The following WFDC9 variants were observed in gnomAD, a reference collection of about 807,000 sequenced individuals.
WFDC9 encodes WAP four-disulfide core domain 9, also known as protein WFDC9.
WFDC9 carries 9 observed loss-of-function variants against 9.5 expected under a neutral mutation model. The observed-to-expected ratio is 0.95, with a 90% CI of 0.57 to 1.65. The LOEUF is 1.65. Among genes scored for constraint, WFDC9 ranks in the 40% most tolerant of loss-of-function variants. WFDC9 has a pLI of 0.00. For missense variants in WFDC9, 87 were observed against 106.7 expected (o/e 0.82, Z 0.81); for synonymous variants, 33 against 32.3 (o/e 1.02, Z -0.07).
At chr20:45,617,679 G>T (rs2145598219) in intron 1 of WFDC9, among the ~76,000 whole-genome samples, 1 of 152,112 alleles carries the variant, frequency 6.6e-6, no homozygotes, top group Non-Finnish European at 1.5e-5. Flanking sequence ...TATTGAGATG[G>T]GGTCTCACTA....
intron 2 of WFDC9, among the ~76,000 whole-genome samples, chr20:45,610,569 T>C (rs1247209058): frequency 6.6e-6 from 1 of 152,212 alleles, no homozygotes; most frequent in Non-Finnish European, 1.5e-5. Context: ...TGTCTATACT[T>C]TTATGTTGTA....
At position 45,613,110 on chromosome 20, in the gene WFDC9, A is replaced by C. The variant is rs181279850; in HGVS notation, c.-59+1518T>G. On this transcript the variant is annotated intron_variant, in intron 2 of 4. Coordinates refer to ENST00000326000, the MANE Select transcript of WFDC9 (RefSeq NM_147198.4). ...AACTCATTAAATTAAATCAAAATTC[A>C]GTTTCCAGTCATTTCAAGTATTCAA... Among the ~76,000 whole-genome samples the C allele has an allele frequency of 2.5e-3, 382 of 152,340 alleles. 2 individuals are homozygous for C. Among genetic ancestry groups the C allele is most frequent in the African/African-American group, 8.9e-3 (368 of 41,580 alleles).
At chr20:45,629,789 T>A (rs774875750) in intron 1 of WFDC9, 1 of 1,610,356 alleles carries the variant, frequency 6.2e-7, no homozygotes, top group Non-Finnish European at 8.5e-7. Flanking sequence ...TGGCCAGACA[T>A]AGGGCTCACG....
At chr20:45,626,558 G>A (rs1328047518) in intron 1 of WFDC9, among the ~76,000 whole-genome samples, 1 of 152,114 alleles carries the variant, frequency 6.6e-6, no homozygotes, top group Non-Finnish European at 1.5e-5. Flanking sequence ...TGTTATAAAT[G>A]GGATTGCCCT....
intron 1 of WFDC9, 129 bp downstream of exon 1, chr20:45,631,072 CTG>C: frequency 6.7e-7 from 1 of 1,498,664 alleles, no homozygotes; most frequent in Non-Finnish European, 8.9e-7. Context: ...CTATCCAAGA[CTG>C]TGCCCACATC....
intron 3 of WFDC9, 102 bp from the exon 4 acceptor site, chr20:45,608,912 A>G: frequency 7.7e-7 from 1 of 1,299,756 alleles, no homozygotes; most frequent in Non-Finnish European, 1.0e-6. Context: ...CCAAGCCACA[A>G]AGTATTTCTC....
chr20:45,612,701 AG>A (rs1385868701), intron 2 of WFDC9, among the ~76,000 whole-genome samples: 1 of 152,234 alleles, frequency 6.6e-6, no homozygotes, highest in Non-Finnish European at 1.5e-5. Context: ...AATTAGAAAT[AG>A]GAAAAAAAGA....
intron 2 of WFDC9, among the ~76,000 whole-genome samples, chr20:45,613,640 T>G (rs1981908722): frequency 6.6e-6 from 1 of 152,156 alleles, no homozygotes; most frequent in Non-Finnish European, 1.5e-5. Flanking sequence ...GGAATAAGCA[T>G]CTAAGAGTAG....
At chr20:45,628,442 T>C (rs1264706149) in intron 1 of WFDC9, among the ~76,000 whole-genome samples, 1 of 152,228 alleles carries the variant, frequency 6.6e-6, no homozygotes, top group East Asian at 1.9e-4. Context: ...TGGCACTGGC[T>C]GCAAGATGCT....
At chr20:45,616,431 C>A (rs1421552323) in intron 1 of WFDC9, among the ~76,000 whole-genome samples, 1 of 152,210 alleles carries the variant, frequency 6.6e-6, no homozygotes, top group Non-Finnish European at 1.5e-5. Flanking sequence ...ACTTCCTCCA[C>A]TGAAGTCTTG....
intron 1 of WFDC9, among the ~76,000 whole-genome samples, chr20:45,621,167 A>G (rs1245396780): frequency 1.3e-5 from 2 of 152,162 alleles, no homozygotes; most frequent in Admixed American, 1.3e-4. Context: ...TTAAGCCCAC[A>G]TTACTTTTCC....
chr20:45,625,807 C>CTTTTTTTT lies in WFDC9; in HGVS notation c.-153+5388_-153+5395dup. Among the ~76,000 whole-genome samples the CTTTTTTTT allele has an allele frequency of 1.7e-3, 79 of 46,412 alleles. 23 individuals are homozygous for CTTTTTTTT. The highest frequency in any genetic ancestry group is 0.014 in the East Asian group (14 of 1,026). The allele number at this position is 46,412 out of a possible 152,430, so 30.4% of individuals were successfully genotyped here. ...TGGATTTATTTCTAGGTTCTCTATT[C>CTTTTTTTT]TTTTTTTTTTTTTTTTTTTTTTTTT... On this transcript the variant is annotated intron_variant, in intron 1 of 4. Coordinates refer to ENST00000326000, the MANE Select transcript of WFDC9 (RefSeq NM_147198.4).
At chr20:45,622,426 G>A (rs1304497649) in intron 1 of WFDC9, among the ~76,000 whole-genome samples, 1 of 152,076 alleles carries the variant, frequency 6.6e-6, no homozygotes, top group African/African-American at 2.4e-5. Flanking sequence ...TCAATGCATT[G>A]TTTCATTAAA....
intron 1 of WFDC9, chr20:45,630,978 G>A: frequency 6.2e-7 from 1 of 1,609,934 alleles, no homozygotes; most frequent in South Asian, 1.1e-5. Flanking sequence ...AACATATGCT[G>A]TTCTACCTAC....
intron 1 of WFDC9, among the ~76,000 whole-genome samples, chr20:45,625,807 C>CTTCTTTTTTTTTTTTTTT (rs1982204690): frequency 1.3e-4 from 6 of 46,416 alleles, no homozygotes; most frequent in Non-Finnish European, 7.5e-5. Context: ...GTTCTCTATT[C>CTTCTTTTTTTTTTTTTTT]TTTTTTTTTT....
chr20:45,621,840 C>A (rs1982108355), intron 1 of WFDC9, among the ~76,000 whole-genome samples: 1 of 152,156 alleles, frequency 6.6e-6, no homozygotes, highest in African/African-American at 2.4e-5. Context: ...GCCCCTTGCA[C>A]CTTTTCCCTT....
intron 4 of WFDC9, 27 bp downstream of exon 4, chr20:45,608,636 C>G (rs1206473297): frequency 6.2e-7 from 1 of 1,602,060 alleles, no homozygotes; most frequent in African/African-American, 1.3e-5. Flanking sequence ...TGCCCAGGCC[C>G]TAGCCTTCCC....
chr20:45,622,110 C>A (rs760124899), intron 1 of WFDC9, among the ~76,000 whole-genome samples: 1 of 148,150 alleles, frequency 6.7e-6, no homozygotes, highest in African/African-American at 2.4e-5. Flanking sequence ...TGTCTTAGAA[C>A]AATTTTATTG....
chr20:45,623,498 G>A (rs1490579653), intron 1 of WFDC9, among the ~76,000 whole-genome samples: 2 of 151,938 alleles, frequency 1.3e-5, no homozygotes, highest in Non-Finnish European at 2.9e-5. Context: ...GTGGTGGCGG[G>A]CACCTGTAAT....
Sources: gnomAD v4.1 joint callset for allele counts (sites outside exome capture counted in the v4.1 genomes callset) on GRCh38, gnomAD v4.1.1 for gene constraint, MANE v1.5 for transcripts, NCBI Gene and HGNC (gene_info 2026-07-23, HGNC 2026-07-21) for gene names.